ROPN1L: variants seen among roughly 807,000 people sequenced by gnomAD.
ROPN1L encodes the protein rhophilin associated tail protein 1 like, also known as ropporin-1-like protein.
Under a neutral mutation model 22.7 loss-of-function variants are expected in ROPN1L, and 23 were observed. The ratio of observed to expected loss-of-function variants is 1.01; its 90% CI spans 0.73 to 1.43. The LOEUF is 1.43. Ranked by LOEUF, ROPN1L falls within the 40% of genes most tolerant of loss-of-function variation. ROPN1L has a pLI of 0.00. For missense variants in ROPN1L, 271 were observed against 291.5 expected (o/e 0.93, Z 0.51); for synonymous variants, 116 against 117.8 (o/e 0.98, Z 0.10).
rs748704460 is a variant in ROPN1L, at chr5:10,461,360, G to GT, written c.593+2dup. ...ACCTTGCCTCTCTAAAGGAAAATATGTAAGTATGCACCCTCTCTAGGATTC... is the reference window on the plus strand; with the variant it reads ...ACCTTGCCTCTCTAAAGGAAAATATGTTAAGTATGCACCCTCTCTAGGATTC... On this transcript the variant is annotated splice_donor_variant, in intron 4 of 4. Transcript: ENST00000274134. LOFTEE classifies it high-confidence loss of function. The GT allele has an allele frequency of 3.7e-6, 6 of 1,612,582 alleles. No individual in the cohort carries two copies. Among genetic ancestry groups the GT allele is most frequent in the Admixed American group, 3.3e-5 (2 of 59,998 alleles).
At chr5:10,457,779 G>A (rs891603254) in intron 3 of ROPN1L, among the ~76,000 whole-genome samples, 5 of 152,120 alleles carry the variant, frequency 3.3e-5, no homozygotes, top group African/African-American at 9.7e-5. Flanking sequence ...GGCTTGCAGC[G>A]GCCCTTTCCC....
the ROPN1L span, among the ~76,000 whole-genome samples, chr5:10,480,175 A>G: frequency 6.6e-6 from 1 of 152,372 alleles, no homozygotes; most frequent in African/African-American, 2.4e-5. Context: ...AAACCAATGT[A>G]GTTATTTCAG....
chr5:10,480,372 G>A, the ROPN1L span, among the ~76,000 whole-genome samples: 1 of 152,214 alleles, frequency 6.6e-6, no homozygotes, highest in Non-Finnish European at 1.5e-5. Flanking sequence ...GAGTAGGATT[G>A]TCAGGAGGGG....
At position 10,442,308 on chromosome 5, in the gene ROPN1L, C is replaced by G. The variant is rs543954976; in HGVS notation, c.131+10C>G. ...TGCGGTGGTCCGCGGGGTAAGCGCC[C>G]TTGGCCCGGGGAGCTGTCCGGTCTA... On this transcript the variant is annotated intron_variant, in intron 1 of 4. Coordinates refer to ENST00000274134, the MANE Select transcript of ROPN1L (RefSeq NM_031916.5). 1 of 1,612,338 alleles carries G rather than the reference C, an allele frequency of 6.2e-7. No individual in the cohort carries two copies. Among genetic ancestry groups the G allele is most frequent in the South Asian group, 1.1e-5 (1 of 91,014 alleles).
chr5:10,443,552 G>T (rs1273949762), intron 1 of ROPN1L, among the ~76,000 whole-genome samples: 1 of 151,852 alleles, frequency 6.6e-6, no homozygotes, highest in Non-Finnish European at 1.5e-5. Context: ...AACCCGGGAA[G>T]CGGAGCTTGC....
the ROPN1L span, chr5:10,482,220 TC>T: frequency 7.0e-6 from 1 of 143,162 alleles, no homozygotes; most frequent in Admixed American, 7.1e-5. Context: ...CAGACGAGAC[TC>T]CGTCAAAAAA....
intron 4 of ROPN1L, among the ~76,000 whole-genome samples, chr5:10,464,561 G>C (rs1308725691): frequency 6.6e-6 from 1 of 152,206 alleles, no homozygotes; most frequent in Non-Finnish European, 1.5e-5. Flanking sequence ...CTGTGCAGCA[G>C]CCACTTCTCC....
chr5:10,443,743 C>T (rs1465170482), intron 1 of ROPN1L, among the ~76,000 whole-genome samples: 1 of 152,096 alleles, frequency 6.6e-6, no homozygotes, highest in Non-Finnish European at 1.5e-5. Flanking sequence ...TCCAGTGGTT[C>T]TCAGGAAAAC....
At chr5:10,463,509 G>T (rs1444222613) in intron 4 of ROPN1L, among the ~76,000 whole-genome samples, 1 of 152,110 alleles carries the variant, frequency 6.6e-6, no homozygotes, top group African/African-American at 2.4e-5. Context: ...GGCAGGAAAG[G>T]GCCCAGGTCC....
intron 4 of ROPN1L, among the ~76,000 whole-genome samples, chr5:10,470,547 A>C (rs1177992458): frequency 1.3e-5 from 2 of 152,230 alleles, no homozygotes; most frequent in African/African-American, 4.8e-5. Flanking sequence ...GGTGAAAGAA[A>C]CTGGATAGGT....
downstream of ROPN1L, among the ~76,000 whole-genome samples, chr5:10,469,310 A>T (rs1489196267): frequency 7.5e-5 from 8 of 106,756 alleles, no homozygotes; most frequent in African/African-American, 2.8e-4. Flanking sequence ...CCTTTTCTCT[A>T]CAAAAAAATT....
At chr5:10,459,883 G>A (rs901596526) in intron 3 of ROPN1L, among the ~76,000 whole-genome samples, 5 of 152,234 alleles carry the variant, frequency 3.3e-5, no homozygotes, top group Admixed American at 1.3e-4. Flanking sequence ...ACATCCTGGT[G>A]TGTAACAGGC....
chr5:10,463,057 C>T (rs1009871249), intron 4 of ROPN1L, among the ~76,000 whole-genome samples: 2 of 152,202 alleles, frequency 1.3e-5, no homozygotes, highest in Admixed American at 1.3e-4. Context: ...TCATTGACAT[C>T]AGCCACGCAA....
At chr5:10,474,444 G>T (rs150433294), downstream of ROPN1L, among the ~76,000 whole-genome samples, 313 of 152,304 alleles carry the variant, frequency 2.1e-3, 1 homozygote, top group African/African-American at 7.1e-3. Flanking sequence ...CTGTCACTGC[G>T]AGGGCACCAG....
At chr5:10,457,794 T>C (rs1734874424) in intron 3 of ROPN1L, among the ~76,000 whole-genome samples, 1 of 152,154 alleles carries the variant, frequency 6.6e-6, no homozygotes, top group African/African-American at 2.4e-5. Flanking sequence ...TTTCCCTGCA[T>C]CTGCAGCTCC....
intron 4 of ROPN1L, among the ~76,000 whole-genome samples, chr5:10,464,527 C>T (rs1482328449): frequency 6.6e-6 from 1 of 152,208 alleles, no homozygotes; most frequent in Non-Finnish European, 1.5e-5. Context: ...AATCCATGTC[C>T]CAAGCCTCCA....
chr5:10,478,504 C>T, the ROPN1L span, among the ~76,000 whole-genome samples: 1 of 152,128 alleles, frequency 6.6e-6, no homozygotes, highest in Admixed American at 6.5e-5. Flanking sequence ...CCTGCTTCTG[C>T]CAGCTTCTGG....
intron 4 of ROPN1L, among the ~76,000 whole-genome samples, chr5:10,463,906 A>G (rs1332368587): frequency 1.3e-5 from 2 of 152,118 alleles, no homozygotes; most frequent in Admixed American, 1.3e-4. Context: ...CCTCCTGAGA[A>G]GCCCCCTGGC....
intron 3 of ROPN1L, among the ~76,000 whole-genome samples, chr5:10,459,405 C>T (rs895967841): frequency 1.3e-5 from 2 of 152,052 alleles, no homozygotes; most frequent in African/African-American, 2.4e-5. Flanking sequence ...CTTCACACAT[C>T]GGCAGAAGGA....
Sources: gnomAD v4.1 joint callset for allele counts (sites outside exome capture counted in the v4.1 genomes callset) on GRCh38, gnomAD v4.1.1 for gene constraint, MANE v1.5 for transcripts, NCBI Gene and HGNC (gene_info 2026-07-23, HGNC 2026-07-21) for gene names.